Variants in ZHX3 observed in about 807,000 individuals in gnomAD.
The protein encoded by ZHX3 is zinc fingers and homeoboxes 3.
Under a neutral mutation model 64.5 loss-of-function variants are expected in ZHX3, and 20 were observed. The observed-to-expected ratio is 0.31, with a 90% CI of 0.22 to 0.45. ZHX3 has a LOEUF of 0.45. Ranked by LOEUF, ZHX3 falls within the 20% of genes least tolerant of loss-of-function variation. The pLI is 1.00. For missense variants in ZHX3, 1,041 were observed against 1,195.8 expected (o/e 0.87, Z 1.91); for synonymous variants, 423 against 461.6 (o/e 0.92, Z 1.07).
At position 41,201,129 on chromosome 20, in the gene ZHX3, C is replaced by T. The variant is rs1176022937; in HGVS notation, c.2860+928G>A. Among the ~76,000 whole-genome samples, 2 of 152,240 alleles carry T rather than the reference C, an allele frequency of 1.3e-5. No individual in the cohort carries two copies. The highest frequency in any genetic ancestry group is 4.8e-5 in the African/African-American group (2 of 41,466). On this transcript the variant is annotated intron_variant, in intron 3 of 3. Coordinates refer to ENST00000683867, the MANE Select transcript of ZHX3 (RefSeq NM_001384317.1). This position sits in a 1 kb window ranked among gnomAD's most constrained non-coding sequence, Gnocchi z 5.0. Reference sequence around the variant, plus strand: ...AACACAAGGCCCCACACTGAGGCAGCTCATGCCAAAGTCACCACGGAACCA... The same window carrying T: ...AACACAAGGCCCCACACTGAGGCAGTTCATGCCAAAGTCACCACGGAACCA...
Position 41,204,193 on chromosome 20 carries a change from C to G in ZHX3, c.724G>C (p.Ala242Pro), listed in dbSNP as rs371343347. The change falls in exon 3 of 4, where the codon GCA becomes CCA. Residue 242 changes from alanine (A) to proline (P), a missense_variant. This residue lies in a region of ZHX3 where 358 missense variants were observed against 369.1 expected (regional missense o/e 0.97). Coordinates refer to ENST00000683867, the MANE Select transcript of ZHX3 (RefSeq NM_001384317.1). This position sits in a 1 kb window ranked among gnomAD's most constrained non-coding sequence, Gnocchi z 6.6. ...FINGAVPVSQASASSAKNPHA... is the reference protein window; with the variant it reads ...FINGAVPVSQPSASSAKNPHA... ...GGGTTTTTTGCAGAGCTGGCAGATG[C>G]CTGGCTGACTGGAACTGCCCCATTG... The G allele has an allele frequency of 6.2e-6, 10 of 1,610,112 alleles. No homozygotes were observed. The highest frequency in any genetic ancestry group is 1.3e-5 in the African/African-American group (1 of 74,784).
At chr20:41,188,085 T>G (rs2036677333) in intron 3 of ZHX3, among the ~76,000 whole-genome samples, 1 of 152,178 alleles carries the variant, frequency 6.6e-6, no homozygotes, top group Non-Finnish European at 1.5e-5. Context: ...TCTCACACCC[T>G]TCCCAACCTG....
intron 1 of ZHX3, among the ~76,000 whole-genome samples, chr20:41,309,016 C>A (rs1326985356): frequency 6.6e-6 from 1 of 152,108 alleles, no homozygotes; most frequent in Non-Finnish European, 1.5e-5. Context: ...AACATGATAA[C>A]AATTATAATC....
intron 2 of ZHX3, among the ~76,000 whole-genome samples, chr20:41,243,987 C>T (rs138304938): frequency 6.6e-6 from 1 of 152,056 alleles, no homozygotes; most frequent in African/African-American, 2.4e-5. Flanking sequence ...ATTCGTGGAC[C>T]ACCTCTTACA....
intron 2 of ZHX3, among the ~76,000 whole-genome samples, chr20:41,223,692 A>G (rs1437593967): frequency 1.3e-5 from 2 of 152,236 alleles, no homozygotes; most frequent in Non-Finnish European, 2.9e-5. Flanking sequence ...AGCCCCTTTT[A>G]AATTCTGAAC....
chr20:41,258,580 G>A (rs1024761739), intron 2 of ZHX3, among the ~76,000 whole-genome samples: 7 of 152,004 alleles, frequency 4.6e-5, no homozygotes, highest in African/African-American at 7.2e-5. Flanking sequence ...CCCTTGATTC[G>A]GGTTTGCCTG....
Position 41,185,313 on chromosome 20 carries a change from A to G in ZHX3, c.2861-112T>C. 7.8e-7 allele frequency: 1 copy of G among 1,287,678 alleles called. No individual in the cohort carries two copies. The highest frequency in any genetic ancestry group is 1.1e-6 in the Non-Finnish European group (1 of 941,058). The allele number at this position is 1,287,678 out of a possible 1,614,324, so 79.8% of individuals were successfully genotyped here. On this transcript the variant is annotated intron_variant, in intron 3 of 3. Coordinates refer to ENST00000683867, the MANE Select transcript of ZHX3 (RefSeq NM_001384317.1). This position sits in a 1 kb window ranked among gnomAD's most constrained non-coding sequence, Gnocchi z 5.0. ...CATCACTGGCTTTGAGGACCTCTTAATTCCATGAGCAATGAATGGCCTTCT... is the reference window on the plus strand; with the variant it reads ...CATCACTGGCTTTGAGGACCTCTTAGTTCCATGAGCAATGAATGGCCTTCT...
Position 41,198,800 on chromosome 20 carries a change from C to T in ZHX3, c.2860+3257G>A, listed in dbSNP as rs112100543. ...TCTTTCTGTCCCTTTTCTTTTTCTG[C>T]GATTCCTATATGAGTATATGAGTAT... On this transcript the variant is annotated intron_variant, in intron 3 of 3. Coordinates refer to ENST00000683867, the MANE Select transcript of ZHX3 (RefSeq NM_001384317.1). Among the ~76,000 whole-genome samples the T allele has an allele frequency of 5.2e-3, 788 of 151,872 alleles. 4 individuals are homozygous for T. The highest frequency in any genetic ancestry group is 0.01 in the Middle Eastern group (3 of 292).
rs773729239 is a variant in ZHX3 at position 41,185,013 on chromosome 20, T to G, written c.*178A>C. The G allele has an allele frequency of 1.3e-6, 2 of 1,551,358 alleles. No homozygotes were observed. Among genetic ancestry groups the G allele is most frequent in the South Asian group, 2.4e-5 (2 of 84,056 alleles). ...ATCTTGCTTGCTGCTTGCTTGGTGG[T>G]GGGCAGGCCGAGGGTAGCGGCAGGC... On this transcript the variant is annotated 3_prime_UTR_variant, in exon 4 of 4. Transcript: ENST00000683867. This position sits in a 1 kb window ranked among gnomAD's most constrained non-coding sequence, Gnocchi z 5.0.
Position 41,195,328 on chromosome 20 carries a change from C to T in ZHX3, c.2860+6729G>A, listed in dbSNP as rs1351266466. Among the ~76,000 whole-genome samples, 1 of 152,184 alleles carries T rather than the reference C, an allele frequency of 6.6e-6. No individual in the cohort carries two copies. The highest frequency in any genetic ancestry group is 2.4e-5 in the African/African-American group (1 of 41,440). Reference sequence around the variant, plus strand: ...ACAGGATCCCACTTTGTTACCCAGGCAGGTCTCAAACTCCTGGCCTCAAGT... The same window carrying T: ...ACAGGATCCCACTTTGTTACCCAGGTAGGTCTCAAACTCCTGGCCTCAAGT... On this transcript the variant is annotated intron_variant, in intron 3 of 3. Coordinates refer to ENST00000683867, the MANE Select transcript of ZHX3 (RefSeq NM_001384317.1). The surrounding 1 kb of genome is among the most constrained non-coding windows in gnomAD (Gnocchi z 4.2).
chr20:41,199,151 C>T (rs1034250826), intron 3 of ZHX3, among the ~76,000 whole-genome samples: 8 of 152,064 alleles, frequency 5.3e-5, no homozygotes, highest in African/African-American at 1.2e-4. Context: ...TTTAGTTCTT[C>T]GTCCATGTTT....
At chr20:41,241,563 A>G (rs1340572242) in intron 2 of ZHX3, among the ~76,000 whole-genome samples, 1 of 152,118 alleles carries the variant, frequency 6.6e-6, no homozygotes, top group Non-Finnish European at 1.5e-5. Context: ...TTGTCCAGGT[A>G]TTACTCAAGA....
At chr20:41,208,164 C>T (rs752616888) in intron 2 of ZHX3, among the ~76,000 whole-genome samples, 1 of 152,130 alleles carries the variant, frequency 6.6e-6, no homozygotes, top group African/African-American at 2.4e-5. Context: ...TCCCTGAATA[C>T]ACCAATAACA....
In ZHX3 at chr20:41,203,185, G is replaced by A; in HGVS notation, c.1732C>T (p.Pro578Ser). ...GTTACCTCAGGGACCTTGGACGATG[G>A]GGAGAAGGACACCTCTGGCACAGAG... ...IDSVPEVSFSPSSKVPEVTCI... is the reference protein window; with the variant it reads ...IDSVPEVSFSSSSKVPEVTCI... Residue 578 changes from proline to serine, a missense_variant, in exon 3 of 4, where the codon CCA (proline) becomes TCA (serine). Physicochemically the swap from Pro to Ser is moderately conservative, Grantham distance 74. This residue lies in a region of ZHX3 where 649 missense variants were observed against 739.8 expected (regional missense o/e 0.88). Coordinates refer to ENST00000683867, the MANE Select transcript of ZHX3 (RefSeq NM_001384317.1). The surrounding 1 kb of genome is among the most constrained non-coding windows in gnomAD (Gnocchi z 7.1). 2 of 1,614,118 alleles carry A rather than the reference G, an allele frequency of 1.2e-6. No individual in the cohort carries two copies. Among genetic ancestry groups the A allele is most frequent in the Non-Finnish European group, 1.7e-6 (2 of 1,180,030 alleles).
At chr20:41,221,527 A>C (rs2039946175) in intron 2 of ZHX3, among the ~76,000 whole-genome samples, 1 of 152,250 alleles carries the variant, frequency 6.6e-6, no homozygotes, top group African/African-American at 2.4e-5. Flanking sequence ...AAAAATAGAT[A>C]GAAATCTCTG....
rs1338985674 is a variant in ZHX3, at chr20:41,224,009, T to C, written c.-150-18943A>G. ...TATATATTGCATTTGCCTCTGGCCA[T>C]AAAGCCATAGTTCAAAAATAACTTA... On this transcript the variant is annotated intron_variant, in intron 2 of 3. Coordinates refer to ENST00000683867, the MANE Select transcript of ZHX3 (RefSeq NM_001384317.1). The surrounding 1 kb of genome is among the most constrained non-coding windows in gnomAD (Gnocchi z 5.2). 6.6e-6 allele frequency among the ~76,000 whole-genome samples: 1 copy of C among 152,116 alleles called. No homozygotes were observed. Among genetic ancestry groups the C allele is most frequent in the Admixed American group, 6.5e-5 (1 of 15,284 alleles).
intron 1 of ZHX3, among the ~76,000 whole-genome samples, chr20:41,279,123 T>A (rs1188808081): frequency 2.0e-5 from 3 of 152,212 alleles, no homozygotes; most frequent in Non-Finnish European, 2.9e-5. Flanking sequence ...TCTTCACCCA[T>A]GATTACTTCC....
intron 1 of ZHX3, among the ~76,000 whole-genome samples, chr20:41,270,568 C>T (rs1428799261): frequency 1.3e-5 from 2 of 151,318 alleles, no homozygotes; most frequent in East Asian, 1.9e-4. Context: ...CCCAGCTACT[C>T]GGGAGGCTGA....
chr20:41,317,262 A>C (rs2045314570), intron 1 of ZHX3: 2 of 152,096 alleles, frequency 1.3e-5, no homozygotes, highest in East Asian at 3.9e-4. Context: ...GTGATGACAG[A>C]TGGCGGAGGG....
Sources: gnomAD v4.1 joint callset for allele counts (sites outside exome capture counted in the v4.1 genomes callset) on GRCh38, gnomAD v4.1.1 for gene constraint, gnomAD v4.1.1 regional missense constraint, Gnocchi (gnomAD v3.1) non-coding constraint, MANE v1.5 for transcripts, NCBI Gene and HGNC (gene_info 2026-07-23, HGNC 2026-07-21) for gene names.